Variants in RNF182 observed in about 807,000 individuals in gnomAD.
RNF182 encodes E3 ubiquitin-protein ligase RNF182.
In RNF182, 15 loss-of-function variants were observed where a neutral mutation model predicts 14.4. That is an observed-to-expected ratio of 1.04 (90% CI 0.70 to 1.60). RNF182 has a LOEUF of 1.60. Among genes scored for constraint, RNF182 ranks in the 40% most tolerant of loss-of-function variants. The probability of loss-of-function intolerance (pLI) is 0.00; values close to 1 mark genes in which losing one functional copy is unlikely to be tolerated. For synonymous variants in RNF182, 128 were observed against 122.9 expected, an observed-to-expected ratio of 1.04 and a Z score of -0.27; for missense variants, 268 against 294.8, an observed-to-expected ratio of 0.91 and a Z score of 0.67.
At chr6:13,966,383 C>G (rs1476547315) in intron 1 of RNF182, among the ~76,000 whole-genome samples, 1 of 152,116 alleles carries the variant, frequency 6.6e-6, no homozygotes, top group Non-Finnish European at 1.5e-5. Flanking sequence ...ACAGCCTTTA[C>G]ATTAAAGGTG....
intron 1 of RNF182, among the ~76,000 whole-genome samples, chr6:13,962,177 C>T (rs1759900253): frequency 6.6e-6 from 1 of 152,130 alleles, no homozygotes; most frequent in South Asian, 2.1e-4. Context: ...TAAGCTCTAA[C>T]TAGAATCCAG....
intron 1 of RNF182, among the ~76,000 whole-genome samples, chr6:13,939,656 G>T (rs1759236993): frequency 6.6e-6 from 1 of 152,026 alleles, no homozygotes. Flanking sequence ...CCATTCTCCT[G>T]CCTCAGCCTC....
chr6:13,925,584 C>G (rs971275246), intron 1 of RNF182, among the ~76,000 whole-genome samples: 2 of 152,060 alleles, frequency 1.3e-5, no homozygotes, highest in Non-Finnish European at 2.9e-5. Context: ...GCAGTTGCAC[C>G]TATAACTGGA....
intron 1 of RNF182, among the ~76,000 whole-genome samples, chr6:13,973,228 A>G (rs1280798242): frequency 6.6e-6 from 1 of 152,144 alleles, no homozygotes; most frequent in Admixed American, 6.5e-5. Flanking sequence ...CTGTACCCCC[A>G]TTATATCTGG....
chr6:13,966,836 G>A (rs570235034), intron 1 of RNF182, among the ~76,000 whole-genome samples: 2,139 of 146,176 alleles, frequency 0.015, 60 homozygotes, highest in African/African-American at 0.05. Context: ...GCGTGCGTGT[G>A]TGTGTGTGTG....
intron 1 of RNF182, among the ~76,000 whole-genome samples, chr6:13,965,084 G>A (rs1400862368): frequency 6.6e-6 from 1 of 152,228 alleles, no homozygotes; most frequent in Non-Finnish European, 1.5e-5. Flanking sequence ...ATGTGATGGA[G>A]CGGCAGCCAG....
chr6:13,936,845 T>A (rs952352977), intron 1 of RNF182, among the ~76,000 whole-genome samples: 1 of 152,032 alleles, frequency 6.6e-6, no homozygotes, highest in Non-Finnish European at 1.5e-5. Flanking sequence ...GTAAAAGAGC[T>A]ATAAAGAGGG....
At chr6:13,933,579 T>C (rs1759030170) in intron 1 of RNF182, among the ~76,000 whole-genome samples, 1 of 152,156 alleles carries the variant, frequency 6.6e-6, no homozygotes, top group South Asian at 2.1e-4. Flanking sequence ...TAACCTAATA[T>C]ATCAAAATTA....
intron 2 of RNF182, among the ~76,000 whole-genome samples, chr6:13,975,580 A>C (rs1760302093): frequency 6.6e-6 from 1 of 152,214 alleles, no homozygotes. Flanking sequence ...ATTCTTGTAG[A>C]ATAGGAAGTC....
intron 1 of RNF182, among the ~76,000 whole-genome samples, chr6:13,962,939 T>C (rs1759917740): frequency 6.6e-6 from 1 of 152,190 alleles, no homozygotes. Flanking sequence ...GAGCCCTGGA[T>C]AGATAATAGG....
chr6:13,946,411 C>T (rs929603119), intron 1 of RNF182, among the ~76,000 whole-genome samples: 10 of 152,018 alleles, frequency 6.6e-5, no homozygotes, highest in East Asian at 3.9e-4. Flanking sequence ...GTGATCCACC[C>T]GCCTTGGCCT....
intron 1 of RNF182, among the ~76,000 whole-genome samples, chr6:13,969,189 C>T (rs1178298306): frequency 6.6e-6 from 1 of 152,020 alleles, no homozygotes; most frequent in Non-Finnish European, 1.5e-5. Context: ...CTTTATTCTT[C>T]TTCTTCTCCC....
At chr6:13,954,362 T>A (rs1282603422) in intron 1 of RNF182, among the ~76,000 whole-genome samples, 2 of 152,222 alleles carry the variant, frequency 1.3e-5, no homozygotes, top group Non-Finnish European at 2.9e-5. Flanking sequence ...CCTTCCCCAT[T>A]GGTTGGTTAG....
intron 1 of RNF182, among the ~76,000 whole-genome samples, chr6:13,957,182 T>C (rs1759754002): frequency 6.6e-6 from 1 of 152,264 alleles, no homozygotes; most frequent in Admixed American, 6.5e-5. Context: ...CTTCTTTTTA[T>C]GTAAGTATCA....
chr6:13,938,834 G>A (rs527989375), intron 1 of RNF182, among the ~76,000 whole-genome samples: 2 of 152,272 alleles, frequency 1.3e-5, no homozygotes, highest in East Asian at 3.9e-4. Context: ...CATAATCCCA[G>A]CACTTTGGGA....
intron 1 of RNF182, among the ~76,000 whole-genome samples, 195 bp from the exon 2 acceptor site, chr6:13,974,015 T>C (rs1361023179): frequency 1.3e-5 from 2 of 152,192 alleles, no homozygotes; most frequent in African/African-American, 4.8e-5. Context: ...GGAATGAGTA[T>C]CTCTTAGAGA....
chr6:13,945,219 T>C (rs1321640125), intron 1 of RNF182, among the ~76,000 whole-genome samples: 1 of 152,208 alleles, frequency 6.6e-6, no homozygotes, highest in Non-Finnish European at 1.5e-5. Flanking sequence ...TTTAAGTGAT[T>C]TACTCAAGAT....
At chr6:13,936,638 A>T (rs139988548) in intron 1 of RNF182, among the ~76,000 whole-genome samples, 89 of 152,366 alleles carry the variant, frequency 5.8e-4, no homozygotes, top group African/African-American at 2.0e-3. Context: ...CCTGAGGCTA[A>T]CAGAAGAAAT....
intron 1 of RNF182, among the ~76,000 whole-genome samples, chr6:13,953,231 G>A: frequency 6.6e-6 from 1 of 152,194 alleles, no homozygotes; most frequent in East Asian, 1.9e-4. Flanking sequence ...CAGCCCCTAG[G>A]CAAGAAGGAG....
Sources: gnomAD v4.1 joint callset for allele counts (sites outside exome capture counted in the v4.1 genomes callset) on GRCh38, gnomAD v4.1.1 for gene constraint, MANE v1.5 for transcripts, NCBI Gene and HGNC (gene_info 2026-07-23, HGNC 2026-07-21) for gene names.